The following RBFOX1 variants were observed in gnomAD, a reference collection of about 807,000 sequenced individuals.
The protein encoded by RBFOX1 is RNA binding fox-1 homolog 1.
Under a neutral mutation model 57.7 loss-of-function variants are expected in RBFOX1, and 8 were observed. The observed-to-expected ratio is 0.14, with a 90% CI of 0.08 to 0.25. The LOEUF (loss-of-function observed/expected upper bound fraction) is 0.25, where lower values mean the gene tolerates loss of function less well. RBFOX1 is among the 10% of genes least tolerant of loss of function. The pLI, the probability that RBFOX1 is intolerant of heterozygous loss-of-function variation, is 1.00. For missense variants in RBFOX1, 611 were observed against 548.5 expected (o/e 1.11, Z -1.14); for synonymous variants, 326 against 222.4 (o/e 1.47, Z -4.15).
intron 4 of RBFOX1, among the ~76,000 whole-genome samples, chr16:7,140,773 G>A (rs760559713): frequency 6.6e-5 from 10 of 152,164 alleles, no homozygotes; most frequent in Non-Finnish European, 1.0e-4. Flanking sequence ...GGAAGGTAGC[G>A]TTAAACTTTC....
At chr16:5,315,477 C>T (rs1443258013) in intron 1 of RBFOX1, among the ~76,000 whole-genome samples, 5 of 152,070 alleles carry the variant, frequency 3.3e-5, no homozygotes, top group Admixed American at 6.5e-5. Flanking sequence ...GAGCAGCTCC[C>T]GGGGAACGGG....
At chr16:5,772,103 C>T (rs138727660) in intron 3 of RBFOX1, among the ~76,000 whole-genome samples, 3 of 151,168 alleles carry the variant, frequency 2.0e-5, no homozygotes, top group African/African-American at 4.9e-5. Context: ...ACCTGGGAGG[C>T]GGAGGTTGCA....
rs1222017554 is a variant in RBFOX1 at position 5,550,895 on chromosome 16, T to G, written c.259-48007T>G. ...AATCTCAGAATGCAGGACTGATCTT[T>G]AAAGAAAATGGTATATCCACATACA... On this transcript the variant is annotated intron_variant, in intron 2 of 2. Coordinates refer to the RBFOX1 transcript ENST00000585867. Among the ~76,000 whole-genome samples the G allele has an allele frequency of 2.6e-5, 4 of 152,298 alleles. No individual in the cohort carries two copies. In the East Asian group the frequency reaches 7.7e-4, roughly 29 times the overall value.
At chr16:6,200,417 T>C (rs563711241) in intron 1 of RBFOX1, among the ~76,000 whole-genome samples, 54 of 152,082 alleles carry the variant, frequency 3.6e-4, no homozygotes, top group African/African-American at 1.3e-3. Flanking sequence ...AGAAATGAAA[T>C]CAAATGGTGT....
rs974689832 is a variant in RBFOX1 at position 6,618,644 on chromosome 16, G to A, written c.-63-35959G>A. Among the ~76,000 whole-genome samples, 9 of 152,270 alleles carry A rather than the reference G, an allele frequency of 5.9e-5. No individual in the cohort carries two copies. The East Asian group carries it at 1.2e-3, about 20-fold the overall frequency. ...TTCTCCAAGGTTACGTGGCTAGTGC[G>A]TGAGAGAACTGGCTTTCAAATTCAC... On this transcript the variant is annotated intron_variant, in intron 2 of 15. Coordinates refer to ENST00000550418, the MANE Select transcript of RBFOX1 (RefSeq NM_018723.4).
intron 3 of RBFOX1, among the ~76,000 whole-genome samples, chr16:5,833,486 C>T (rs993319163): frequency 1.0e-4 from 14 of 133,422 alleles, no homozygotes. Flanking sequence ...CAGAGCGAGA[C>T]TCTATCTCAA....
chr16:6,806,494 C>G (rs1462850936), intron 3 of RBFOX1, among the ~76,000 whole-genome samples: 1 of 151,976 alleles, frequency 6.6e-6, no homozygotes, highest in Admixed American at 6.6e-5. Context: ...TGGGCCTATT[C>G]TGACCAGTAA....
In RBFOX1 at chr16:6,391,919, G is replaced by A. The variant is rs142518170; in HGVS notation, c.-64+74862G>A. Among the ~76,000 whole-genome samples the A allele has an allele frequency of 1.4e-3, 220 of 152,290 alleles. 1 individual carries two copies. The highest frequency in any genetic ancestry group is 3.7e-3 in the South Asian group (18 of 4,824). On this transcript the variant is annotated intron_variant, in intron 2 of 15. Coordinates refer to ENST00000550418, the MANE Select transcript of RBFOX1 (RefSeq NM_018723.4). ...GAACAAAATGTTTCGGCAGCGCTGA[G>A]GAGAGAGTGAATAAGTCTTTCAGAG...
intron 4 of RBFOX1, among the ~76,000 whole-genome samples, chr16:7,433,066 T>C (rs148167050): frequency 1.3e-3 from 199 of 152,294 alleles, no homozygotes; most frequent in African/African-American, 4.6e-3. Flanking sequence ...TTTCCCAGGA[T>C]TCTTTCTCAG....
At chr16:6,552,300 T>C (rs1168852886) in intron 2 of RBFOX1, among the ~76,000 whole-genome samples, 1 of 152,102 alleles carries the variant, frequency 6.6e-6, no homozygotes, top group East Asian at 1.9e-4. Flanking sequence ...ATAACTAATA[T>C]CAGGAAACCA....
intron 3 of RBFOX1, among the ~76,000 whole-genome samples, chr16:6,913,916 C>T (rs1248035073): frequency 6.6e-6 from 1 of 152,168 alleles, no homozygotes; most frequent in Non-Finnish European, 1.5e-5. Context: ...AAAGCAAACA[C>T]TAAAGGCCTC....
At chr16:7,419,428 C>G (rs1029908738) in intron 4 of RBFOX1, among the ~76,000 whole-genome samples, 3 of 152,206 alleles carry the variant, frequency 2.0e-5, no homozygotes, top group African/African-American at 4.8e-5. Flanking sequence ...GCCAGCATCC[C>G]ACTCCCGCCT....
chr16:6,407,395 A>G (rs12443657), intron 2 of RBFOX1, among the ~76,000 whole-genome samples: 1 of 151,482 alleles, frequency 6.6e-6, no homozygotes, highest in Non-Finnish European at 1.5e-5. Flanking sequence ...CTATATGTAT[A>G]TATTTGTCTT....
chr16:5,775,864 T>C (rs562859468), intron 3 of RBFOX1, among the ~76,000 whole-genome samples: 4,425 of 152,226 alleles, frequency 0.029, 200 homozygotes, highest in African/African-American at 0.1. Flanking sequence ...AGAAAGACTA[T>C]CGGACGAGTC....
chr16:7,000,073 GA>G (rs58878438), intron 3 of RBFOX1, among the ~76,000 whole-genome samples: 206 of 134,796 alleles, frequency 1.5e-3, no homozygotes, highest in African/African-American at 4.6e-3. Flanking sequence ...CTGTTTCAAA[GA>G]AAAAAAAAAA....
chr16:6,388,068 C>A (rs2092396908), intron 2 of RBFOX1, among the ~76,000 whole-genome samples: 1 of 146,648 alleles, frequency 6.8e-6, no homozygotes, highest in Non-Finnish European at 1.5e-5. Context: ...CAACCTCTGC[C>A]TCTCGGGTTC....
At chr16:7,286,698 A>G (rs890396033) in intron 4 of RBFOX1, among the ~76,000 whole-genome samples, 1 of 142,528 alleles carries the variant, frequency 7.0e-6, no homozygotes, top group Non-Finnish European at 1.5e-5. Flanking sequence ...ATCTCGGGTC[A>G]CTGCAAGCTC....
intron 1 of RBFOX1, among the ~76,000 whole-genome samples, chr16:6,282,971 T>G (rs552831716): frequency 3.9e-5 from 6 of 152,338 alleles, no homozygotes; most frequent in African/African-American, 1.4e-4. Flanking sequence ...AAGAACTCTG[T>G]GTACCATTGT....
intron 4 of RBFOX1, among the ~76,000 whole-genome samples, chr16:7,344,142 C>A: frequency 8.3e-6 from 1 of 120,268 alleles, no homozygotes; most frequent in African/African-American, 3.2e-5. Context: ...CTAAGCTACT[C>A]TGAACTGCAG....
Sources: allele counts gnomAD v4.1 joint callset (sites outside exome capture counted in the v4.1 genomes callset), GRCh38; gene constraint gnomAD v4.1.1; transcripts MANE v1.5; gene names NCBI Gene and HGNC (gene_info 2026-07-23, HGNC 2026-07-21).